The following MAP4K3 variants were observed in gnomAD, a reference collection of about 807,000 sequenced individuals.
The protein encoded by MAP4K3 is MAPK/ERK kinase kinase kinase 3.
MAP4K3 carries 94 observed loss-of-function variants against 143.5 expected under a neutral mutation model. That is an observed-to-expected ratio of 0.65 (90% CI 0.55 to 0.78). MAP4K3 has a LOEUF of 0.78. MAP4K3 is among the 30% of genes least tolerant of loss of function. MAP4K3 has a pLI of 0.00. For synonymous variants in MAP4K3, 416 were observed against 347.2 expected, an observed-to-expected ratio of 1.20 and a Z score of -2.20; for missense variants, 1,077 against 1,068.1, an observed-to-expected ratio of 1.01 and a Z score of -0.12.
chr2:39,378,145 G>T (rs774618599), intron 1 of MAP4K3, 22 bp from the exon 2 acceptor site: 25 of 1,427,256 alleles, frequency 1.8e-5, no homozygotes, highest in Non-Finnish European at 2.3e-5. Context: ...AGGAAAAAAG[G>T]ATTATTGTGA....
intron 3 of MAP4K3, among the ~76,000 whole-genome samples, chr2:39,345,039 T>C (rs929459168): frequency 3.3e-5 from 5 of 152,126 alleles, no homozygotes; most frequent in African/African-American, 1.2e-4. Flanking sequence ...AAAAATCAAG[T>C]ACTAAGATTC....
chr2:39,412,958 T>C (rs913833072), intron 1 of MAP4K3, among the ~76,000 whole-genome samples: 20 of 152,192 alleles, frequency 1.3e-4, no homozygotes, highest in Admixed American at 1.2e-3. Context: ...TAACCTGCCA[T>C]TTCAATATTT....
At chr2:39,419,977 C>A (rs1464119860) in intron 1 of MAP4K3, among the ~76,000 whole-genome samples, 1 of 152,142 alleles carries the variant, frequency 6.6e-6, no homozygotes, top group Non-Finnish European at 1.5e-5. Context: ...ATGACATATC[C>A]CATCTGACTT....
At chr2:39,363,022 A>G (rs1665813391) in intron 2 of MAP4K3, among the ~76,000 whole-genome samples, 1 of 152,236 alleles carries the variant, frequency 6.6e-6, no homozygotes, top group Admixed American at 6.5e-5. Flanking sequence ...ACGTTATCCT[A>G]CATACACAAA....
rs1484969397 is a variant in MAP4K3, at chr2:39,258,525, A to G, written c.2371T>C (p.Leu791=). 4.3e-6 allele frequency: 7 copies of G among 1,613,210 alleles called. No homozygotes were observed. In the East Asian group the frequency reaches 1.6e-4, roughly 36 times the overall value. ...TTCATAAATAAAAACTTACAGTCCA[A>G]GCATACAAGGATGGTATCTCTCTCC... is the stretch of plus-strand genomic sequence containing the variant. ...QLERDTILVC[L]DCCIKIVNLQ... Residue 791 remains leucine (L), a synonymous_variant, in exon 30 of 34, where the codon TTG becomes CTG. Transcript: ENST00000263881.
chr2:39,330,258 T>C (rs1226759363), intron 8 of MAP4K3, among the ~76,000 whole-genome samples: 4 of 152,132 alleles, frequency 2.6e-5, no homozygotes, highest in Non-Finnish European at 4.4e-5. Flanking sequence ...GGAATGATTC[T>C]AGGGGGAGGA....
chr2:39,352,225 A>AGGTT (rs1195924687), intron 3 of MAP4K3, among the ~76,000 whole-genome samples: 1 of 152,022 alleles, frequency 6.6e-6, no homozygotes, highest in South Asian at 2.1e-4. Context: ...CGGGAGGTGG[A>AGGTT]GGTTGCAGTG....
chr2:39,338,917 G>A (rs72801452), intron 4 of MAP4K3, among the ~76,000 whole-genome samples: 37,143 of 152,144 alleles, frequency 0.24, 5,886 homozygotes, highest in Non-Finnish European at 0.34. Context: ...GCCTCCAGAA[G>A]TGTGAGAAAT....
chr2:39,287,677 T>G (rs1338460695), intron 20 of MAP4K3, among the ~76,000 whole-genome samples: 1 of 152,204 alleles, frequency 6.6e-6, no homozygotes, highest in Non-Finnish European at 1.5e-5. Flanking sequence ...TAGCACCTTC[T>G]AGTATTAATT....
chr2:39,321,451 C>A (rs572346575), intron 12 of MAP4K3, among the ~76,000 whole-genome samples: 1 of 152,208 alleles, frequency 6.6e-6, no homozygotes, highest in Non-Finnish European at 1.5e-5. Flanking sequence ...GACACAAACA[C>A]TACGGAAGGC....
At chr2:39,282,614 T>C (rs549820379) in intron 21 of MAP4K3, 60 bp from the exon 22 acceptor site, 1 of 1,093,970 alleles carries the variant, frequency 9.1e-7, no homozygotes, top group South Asian at 1.3e-5. Flanking sequence ...ATAATAATAC[T>C]GTATTTCAAA....
At chr2:39,335,513 T>C (rs2148526021) in intron 6 of MAP4K3, among the ~76,000 whole-genome samples, 1 of 152,310 alleles carries the variant, frequency 6.6e-6, no homozygotes, top group South Asian at 2.1e-4. Flanking sequence ...GTCTCATACA[T>C]TCTCTTCTCT....
At chr2:39,383,603 T>G (rs975437872) in intron 1 of MAP4K3, among the ~76,000 whole-genome samples, 3 of 152,036 alleles carry the variant, frequency 2.0e-5, no homozygotes, top group Non-Finnish European at 4.4e-5. Flanking sequence ...TGGTTATGCC[T>G]ATTGTACCGG....
chr2:39,319,589 A>C (rs1465106693), intron 12 of MAP4K3, among the ~76,000 whole-genome samples: 1 of 152,198 alleles, frequency 6.6e-6, no homozygotes, highest in African/African-American at 2.4e-5. Flanking sequence ...GTAACTGTTA[A>C]TGATAGTAAA....
intron 1 of MAP4K3, among the ~76,000 whole-genome samples, chr2:39,434,025 G>A (rs1297011027): frequency 6.6e-6 from 1 of 152,084 alleles, no homozygotes. Flanking sequence ...TCAGTGCTTT[G>A]GAACTAAACC....
intron 1 of MAP4K3, among the ~76,000 whole-genome samples, chr2:39,418,939 G>C (rs1346340351): frequency 1.3e-5 from 2 of 152,150 alleles, no homozygotes; most frequent in Non-Finnish European, 2.9e-5. Context: ...AATCCAAATA[G>C]ACGGTGGAGC....
At chr2:39,319,160 T>C (rs760512642) in intron 12 of MAP4K3, among the ~76,000 whole-genome samples, 1 of 152,126 alleles carries the variant, frequency 6.6e-6, no homozygotes, top group Non-Finnish European at 1.5e-5. Context: ...ATGCCAATAC[T>C]TTCTGAATGC....
intron 13 of MAP4K3, among the ~76,000 whole-genome samples, chr2:39,314,687 T>C (rs1426864802): frequency 1.3e-5 from 2 of 152,162 alleles, no homozygotes; most frequent in Non-Finnish European, 2.9e-5. Context: ...TTATCACTGA[T>C]GAGTTGACAG....
In MAP4K3 at chr2:39,325,492, T is replaced by A. The variant is rs753543783; in HGVS notation, c.918+26A>T. ...TACATACACATATACATGTTATATA[T>A]GCCCGCTGGTAAAAGCAATTCCTAC... On this transcript the variant is annotated intron_variant, in intron 12 of 33. Coordinates refer to ENST00000263881, the MANE Select transcript of MAP4K3 (RefSeq NM_003618.4). 5 of 1,501,864 alleles carry A rather than the reference T, an allele frequency of 3.3e-6. No individual in the cohort carries two copies. The Admixed American group carries it at 8.4e-5, about 25-fold the overall frequency. 93.0% of individuals were successfully genotyped at this position (1,501,864 alleles called of 1,614,324 possible).
Sources: gnomAD v4.1 joint callset for allele counts (sites outside exome capture counted in the v4.1 genomes callset) on GRCh38, gnomAD v4.1.1 for gene constraint, MANE v1.5 for transcripts, NCBI Gene and HGNC (gene_info 2026-07-23, HGNC 2026-07-21) for gene names.